The following ATP11A variants were observed in gnomAD, a reference collection of about 807,000 sequenced individuals.
ATP11A encodes the protein ATPase phospholipid transporting 11A.
A neutral mutation model predicts 154.4 loss-of-function variants in ATP11A; 81 were observed. The ratio of observed to expected loss-of-function variants is 0.52; its 90% CI spans 0.44 to 0.63. ATP11A has a LOEUF of 0.63. ATP11A is among the 30% of genes least tolerant of loss of function. ATP11A has a pLI of 0.00. For missense variants in ATP11A, 1,316 were observed against 1,474.3 expected (o/e 0.89, Z 1.76); for synonymous variants, 623 against 585.9 (o/e 1.06, Z -0.91).
At chr13:112,783,278 C>A (rs558154081) in intron 1 of ATP11A, among the ~76,000 whole-genome samples, 3 of 152,278 alleles carry the variant, frequency 2.0e-5, no homozygotes, top group East Asian at 3.9e-4. Flanking sequence ...ACTGTTCAGA[C>A]CCTGCCTGCC....
chr13:112,795,901 T>G (rs2077987028), intron 2 of ATP11A, among the ~76,000 whole-genome samples: 1 of 152,232 alleles, frequency 6.6e-6, no homozygotes, highest in Non-Finnish European at 1.5e-5. Flanking sequence ...GAAGTTTACA[T>G]GGTTTTTAAA....
chr13:112,765,918 C>A (rs2077065490), intron 1 of ATP11A, among the ~76,000 whole-genome samples: 1 of 152,278 alleles, frequency 6.6e-6, no homozygotes, highest in South Asian at 2.1e-4. Context: ...GGTCCTCCCC[C>A]TTCTGAAGCC....
At chr13:112,858,527 G>T in intron 22 of ATP11A, 1 of 442,050 alleles carries the variant, frequency 2.3e-6, no homozygotes, top group Non-Finnish European at 4.0e-6. Context: ...ACGCAAAATT[G>T]CAGAAATAAA....
chr13:112,830,244 A>G (rs758434051), intron 12 of ATP11A, among the ~76,000 whole-genome samples: 1 of 152,140 alleles, frequency 6.6e-6, no homozygotes, highest in Non-Finnish European at 1.5e-5. Context: ...ACCTCTTAAC[A>G]TTTGTTATCT....
chr13:112,800,915 T>G (rs1436597793), intron 2 of ATP11A, among the ~76,000 whole-genome samples: 1 of 152,142 alleles, frequency 6.6e-6, no homozygotes, highest in Non-Finnish European at 1.5e-5. Flanking sequence ...TATCAATAGG[T>G]GCAGAAAAAG....
intron 2 of ATP11A, among the ~76,000 whole-genome samples, chr13:112,804,035 CCCTCCTTCCCTCCTTTT>C (rs199816314): frequency 3.5e-4 from 1 of 2,886 alleles, no homozygotes; most frequent in Non-Finnish European, 4.6e-4. Context: ...CCCCTCTCTG[CCCTCCTTCCCTCCTTTT>C]CCTCCTTCCC....
At chr13:112,770,722 C>A (rs1242982649) in intron 1 of ATP11A, among the ~76,000 whole-genome samples, 1 of 152,254 alleles carries the variant, frequency 6.6e-6, no homozygotes, top group Non-Finnish European at 1.5e-5. Flanking sequence ...CCCCTGGGAG[C>A]CACTGAGAGA....
chr13:112,732,671 G>T (rs1173721905), intron 1 of ATP11A, among the ~76,000 whole-genome samples: 1 of 152,200 alleles, frequency 6.6e-6, no homozygotes, highest in Non-Finnish European at 1.5e-5. Context: ...GAGTGGAGTG[G>T]TGCGATCTCG....
At chr13:112,805,944 T>C (rs1303635841) in intron 3 of ATP11A, among the ~76,000 whole-genome samples, 1 of 151,898 alleles carries the variant, frequency 6.6e-6, no homozygotes, top group Non-Finnish European at 1.5e-5. Context: ...GGTGAATTAA[T>C]ACAAGGCGTG....
At chr13:112,761,461 C>T (rs919001654) in intron 1 of ATP11A, among the ~76,000 whole-genome samples, 1 of 152,116 alleles carries the variant, frequency 6.6e-6, no homozygotes, top group African/African-American at 2.4e-5. Context: ...TCTTACTGTG[C>T]CTAATTTATA....
Position 112,816,184 on chromosome 13 carries a change from C to T in ATP11A, c.543C>T (p.Ala181=). 6.2e-7 allele frequency: 1 copy of T among 1,614,164 alleles called. No homozygotes were observed. Among genetic ancestry groups the T allele is most frequent in the Non-Finnish European group, 8.5e-7 (1 of 1,180,028 alleles). ...ATGGGACGTGCCACGTCACCACCGC[C>T]AGCTTGGATGGAGAATCCAGCCATA... ...RGDGTCHVTT[A]SLDGESSHKT... Residue 181 remains alanine, a synonymous_variant, in exon 6 of 30, where the codon GCC becomes GCT. Coordinates refer to ENST00000375645, the MANE Select transcript of ATP11A (RefSeq NM_015205.3).
intron 1 of ATP11A, among the ~76,000 whole-genome samples, chr13:112,699,607 C>T (rs189125645): frequency 1.3e-5 from 2 of 152,310 alleles, no homozygotes; most frequent in African/African-American, 4.8e-5. Flanking sequence ...CAGGTTGCTG[C>T]GGGCAAGAAG....
chr13:112,759,837 C>G (rs1187415726), intron 1 of ATP11A, among the ~76,000 whole-genome samples: 1 of 152,130 alleles, frequency 6.6e-6, no homozygotes, highest in Non-Finnish European at 1.5e-5. Flanking sequence ...ACCAGATAAT[C>G]ACGTTAATTT....
intron 25 of ATP11A, 120 bp downstream of exon 25, chr13:112,862,695 A>G (rs553618150): frequency 4.1e-5 from 55 of 1,331,206 alleles, no homozygotes; most frequent in Non-Finnish European, 5.4e-5. Flanking sequence ...AGCGGGGTCC[A>G]TCACCACCTG....
At chr13:112,850,139 C>T (rs1388083760) in intron 17 of ATP11A, among the ~76,000 whole-genome samples, 2 of 152,216 alleles carry the variant, frequency 1.3e-5, no homozygotes, top group Non-Finnish European at 2.9e-5. Flanking sequence ...TGAGCCTTCC[C>T]TGAGAGTTAG....
At chr13:112,816,236 C>T (rs556667258) in intron 6 of ATP11A, 25 bp downstream of exon 6, 2 of 1,613,968 alleles carry the variant, frequency 1.2e-6, no homozygotes, top group African/African-American at 2.7e-5. Context: ...CATTAGACTC[C>T]AGGGCAGGAT....
At chr13:112,833,532 G>A (rs1212704886) in intron 14 of ATP11A, among the ~76,000 whole-genome samples, 1 of 152,070 alleles carries the variant, frequency 6.6e-6, no homozygotes, top group South Asian at 2.1e-4. Context: ...ACTCAGGGGA[G>A]CCATTTTCAA....
chr13:112,706,788 A>G (rs190662487), intron 1 of ATP11A, among the ~76,000 whole-genome samples: 3 of 152,274 alleles, frequency 2.0e-5, no homozygotes, highest in African/African-American at 4.8e-5. Context: ...TTCAGAAGCT[A>G]TTAGGTTGGT....
At chr13:112,708,084 C>G (rs1053449488) in intron 1 of ATP11A, among the ~76,000 whole-genome samples, 2 of 152,134 alleles carry the variant, frequency 1.3e-5, no homozygotes, top group East Asian at 1.9e-4. Flanking sequence ...AATTGGGCTG[C>G]GAAGTTTTGC....
Sources: gnomAD v4.1 joint callset for allele counts (sites outside exome capture counted in the v4.1 genomes callset) on GRCh38, gnomAD v4.1.1 for gene constraint, MANE v1.5 for transcripts, NCBI Gene and HGNC (gene_info 2026-07-23, HGNC 2026-07-21) for gene names.